PCED1B: variants seen among roughly 807,000 people sequenced by gnomAD.
PCED1B encodes the protein PC-esterase domain containing 1B.
For missense variants in PCED1B, 573 were observed against 573.9 expected (o/e 1.00, Z 0.02); for synonymous variants, 251 against 246.1 (o/e 1.02, Z -0.19).
rs1299404399 is a variant in PCED1B at position 47,236,469 on chromosome 12, A to G, written c.*107A>G. ...ACTGACCTTGTTAACTTAAGCCTGGAGTCCATGCCTCGTCTTCCTTTTGTT... is the reference window on the plus strand; with the variant it reads ...ACTGACCTTGTTAACTTAAGCCTGGGGTCCATGCCTCGTCTTCCTTTTGTT... On this transcript the variant is annotated 3_prime_UTR_variant, in exon 4 of 4. Coordinates refer to ENST00000546455, the MANE Select transcript of PCED1B (RefSeq NM_138371.3). The G allele has an allele frequency of 1.9e-5, 22 of 1,131,708 alleles. No individual in the cohort carries two copies. The highest frequency in any genetic ancestry group is 2.7e-5 in the Non-Finnish European group (22 of 818,910). The allele number at this position is 1,131,708 out of a possible 1,614,324, so 70.1% of individuals were successfully genotyped here. A position where few individuals can be genotyped will look rare whatever the true frequency, so the allele number is the denominator to read the frequency against.
chr12:47,217,784 C>T (rs933219406), intron 3 of PCED1B, among the ~76,000 whole-genome samples: 4 of 152,112 alleles, frequency 2.6e-5, no homozygotes, highest in Non-Finnish European at 4.4e-5. Context: ...ACCATGTTGG[C>T]CAGGCTGATC....
intron 2 of PCED1B, among the ~76,000 whole-genome samples, chr12:47,180,101 C>T (rs1372784243): frequency 6.6e-6 from 1 of 152,114 alleles, no homozygotes; most frequent in Non-Finnish European, 1.5e-5. Flanking sequence ...TCTCCTCACA[C>T]CCCCCAACAG....
intron 2 of PCED1B, among the ~76,000 whole-genome samples, chr12:47,153,535 A>T (rs1285745181): frequency 6.6e-6 from 1 of 152,172 alleles, no homozygotes; most frequent in South Asian, 2.1e-4. Context: ...CTTTGAATAT[A>T]AGGACAAAGA....
chr12:47,196,092 AT>A (rs1942594791), intron 2 of PCED1B, among the ~76,000 whole-genome samples: 1 of 152,256 alleles, frequency 6.6e-6, no homozygotes, highest in East Asian at 1.9e-4. Context: ...AGACTATTAC[AT>A]ATAACACTAT....
chr12:47,188,956 G>A (rs931635816), intron 2 of PCED1B, among the ~76,000 whole-genome samples: 5 of 152,026 alleles, frequency 3.3e-5, no homozygotes, highest in Non-Finnish European at 7.4e-5. Context: ...TTTCATTTCT[G>A]CTTCTGATTA....
chr12:47,139,800 T>C (rs1057270492), intron 2 of PCED1B, among the ~76,000 whole-genome samples: 2 of 152,144 alleles, frequency 1.3e-5, no homozygotes, highest in African/African-American at 2.4e-5. Flanking sequence ...GTGTGTGCTA[T>C]GATGTGGCAT....
At chr12:47,190,990 A>C (rs985209374) in intron 2 of PCED1B, among the ~76,000 whole-genome samples, 1 of 152,212 alleles carries the variant, frequency 6.6e-6, no homozygotes, top group African/African-American at 2.4e-5. Flanking sequence ...TTAAAAGAAA[A>C]ACCAGTTCAT....
At chr12:47,177,713 G>T (rs1177827918) in intron 2 of PCED1B, among the ~76,000 whole-genome samples, 1 of 152,160 alleles carries the variant, frequency 6.6e-6, no homozygotes, top group Non-Finnish European at 1.5e-5. Context: ...CAGCACTTTG[G>T]GAGGCCAAGG....
chr12:47,224,980 G>A (rs1173421236), intron 3 of PCED1B, among the ~76,000 whole-genome samples: 2 of 152,136 alleles, frequency 1.3e-5, no homozygotes, highest in African/African-American at 4.8e-5. Context: ...CGCCCAGGCT[G>A]GAGTGCAGTG....
rs1260578095 is a variant in PCED1B, at chr12:47,235,639, A to G, written c.576A>G (p.Glu192=). ...AGAAGGCCACCTTCCTGAAAAACGA[A>G]GTGGTCAAAGCCAACTTCCACAGCG... ...RRQKATFLKN[E]VVKANFHSAT... The change falls in exon 4 of 4, where the codon GAA becomes GAG. Residue 192 remains glutamate, a synonymous_variant. Coordinates refer to ENST00000546455, the MANE Select transcript of PCED1B (RefSeq NM_138371.3). 1.9e-6 allele frequency: 3 copies of G among 1,610,534 alleles called. No homozygotes were observed. Among genetic ancestry groups the G allele is most frequent in the South Asian group, 2.2e-5 (2 of 91,000 alleles).
chr12:47,084,744 T>C (rs1937898211), intron 1 of PCED1B, among the ~76,000 whole-genome samples: 1 of 152,234 alleles, frequency 6.6e-6, no homozygotes, highest in African/African-American at 2.4e-5. Flanking sequence ...ACCCAGAGTC[T>C]TGAATTATAA....
At chr12:47,232,093 A>G (rs1943826236) in intron 3 of PCED1B, among the ~76,000 whole-genome samples, 2 of 152,238 alleles carry the variant, frequency 1.3e-5, no homozygotes, top group African/African-American at 4.8e-5. Flanking sequence ...TGTGGAGCAT[A>G]TAGTAGGCAC....
At chr12:47,132,009 A>G (rs775721823) in intron 2 of PCED1B, among the ~76,000 whole-genome samples, 14 of 152,194 alleles carry the variant, frequency 9.2e-5, no homozygotes, top group Non-Finnish European at 1.6e-4. Flanking sequence ...CATAAAAAAT[A>G]GGGAAGTTGA....
At chr12:47,147,502 T>A (rs1565567403) in intron 2 of PCED1B, among the ~76,000 whole-genome samples, 1 of 152,204 alleles carries the variant, frequency 6.6e-6, no homozygotes, top group Non-Finnish European at 1.5e-5. Flanking sequence ...CTGTTTACCA[T>A]CCATATTCTA....
At chr12:47,090,746 A>G (rs1030685322) in intron 1 of PCED1B, among the ~76,000 whole-genome samples, 4 of 152,080 alleles carry the variant, frequency 2.6e-5, no homozygotes, top group Non-Finnish European at 5.9e-5. Flanking sequence ...TGTTGGAGAG[A>G]TTCATCCATA....
chr12:47,104,656 A>T (rs1036498936), intron 2 of PCED1B, among the ~76,000 whole-genome samples: 1 of 152,210 alleles, frequency 6.6e-6, no homozygotes, highest in Admixed American at 6.5e-5. Flanking sequence ...CCAAGTAGTC[A>T]TACCTCTAGG....
At chr12:47,086,393 A>G (rs985164669) in intron 1 of PCED1B, among the ~76,000 whole-genome samples, 1 of 149,432 alleles carries the variant, frequency 6.7e-6, no homozygotes, top group Non-Finnish European at 1.5e-5. Context: ...AGGAAGTTAC[A>G]GGAAAAAGAA....
chr12:47,156,325 C>A (rs1478853197), intron 2 of PCED1B, among the ~76,000 whole-genome samples: 1 of 152,130 alleles, frequency 6.6e-6, no homozygotes, highest in Non-Finnish European at 1.5e-5. Flanking sequence ...AGTAATCAGT[C>A]AAACAGGAAC....
chr12:47,105,692 A>T (rs944995688), intron 2 of PCED1B, among the ~76,000 whole-genome samples: 1 of 152,188 alleles, frequency 6.6e-6, no homozygotes, highest in African/African-American at 2.4e-5. Context: ...AGTCGACCCT[A>T]GTTGGATTTT....
Sources: gnomAD v4.1 joint callset for allele counts (sites outside exome capture counted in the v4.1 genomes callset) on GRCh38, gnomAD v4.1.1 for gene constraint, MANE v1.5 for transcripts, NCBI Gene and HGNC (gene_info 2026-07-23, HGNC 2026-07-21) for gene names.